The following GMPS variants were observed in gnomAD, a reference collection of about 807,000 sequenced individuals.
GMPS encodes the protein GMP synthase [glutamine-hydrolyzing].
A neutral mutation model predicts 77.9 loss-of-function variants in GMPS; 15 were observed. The ratio of observed to expected loss-of-function variants is 0.19; its 90% confidence interval spans 0.13 to 0.30. The LOEUF (loss-of-function observed/expected upper bound fraction) is 0.30. Among genes scored for constraint, GMPS ranks in the 10% least tolerant of loss-of-function variants. The pLI, the probability that GMPS is intolerant of heterozygous loss-of-function variation, is 1.00. For synonymous variants in GMPS, 224 were observed against 275.9 expected, an observed-to-expected ratio of 0.81 and a Z score of 1.86; for missense variants, 590 against 838.8, an observed-to-expected ratio of 0.70 and a Z score of 3.66.
Position 155,941,804 on chromosome 3 carries a change from T to C in GMPS, c.*4112T>C. On this transcript the variant is annotated 3_prime_UTR_variant, in exon 16 of 16. Coordinates refer to ENST00000496455, the MANE Select transcript of GMPS (RefSeq NM_003875.3). ...TATCTTTTTAATCACTGAAGGACTTTGACAGCAGTAATGGTGGCATTGTTG... is the reference window on the plus strand; with the variant it reads ...TATCTTTTTAATCACTGAAGGACTTCGACAGCAGTAATGGTGGCATTGTTG... 4.6e-6 allele frequency: 1 copy of C among 217,470 alleles called. No individual in the cohort carries two copies. The highest frequency in any genetic ancestry group is 9.2e-6 in the Non-Finnish European group (1 of 108,220). 13.5% of individuals were successfully genotyped at this position (217,470 alleles called of 1,614,324 possible). A position where few individuals can be genotyped will look rare whatever the true frequency, so the allele number is the denominator to read the frequency against.
At chr3:155,869,693 C>T (rs1156341309), upstream of GMPS, among the ~76,000 whole-genome samples, 10 of 152,160 alleles carry the variant, frequency 6.6e-5, no homozygotes, top group Non-Finnish European at 1.5e-5. Flanking sequence ...ACTACTTTCA[C>T]GGGATTGGTT....
At chr3:155,904,157 AAG>A (rs1432682968) in intron 4 of GMPS, among the ~76,000 whole-genome samples, 197 bp downstream of exon 4, 7 of 152,206 alleles carry the variant, frequency 4.6e-5, no homozygotes, top group African/African-American at 1.7e-4. Flanking sequence ...AATAGGGAAT[AAG>A]GAAGGTATTT....
rs1291942676 is a variant in GMPS, at chr3:155,916,173, T to G, written c.1193T>G (p.Ile398Ser). The G allele has an allele frequency of 6.2e-6, 10 of 1,609,156 alleles. No individual in the cohort carries two copies. Among genetic ancestry groups the G allele is most frequent in the Non-Finnish European group, 6.8e-6 (8 of 1,178,296 alleles). The change falls in exon 9 of 16, where the codon ATC (isoleucine) becomes AGC (serine). Residue 398 changes from isoleucine (I) to serine (S), a missense_variant. Physicochemically the swap from Ile to Ser is moderately radical, Grantham distance 142. Around this residue, in one of 6 missense-constraint regions of GMPS, gnomAD observed 64 missense variants for 114.5 expected, o/e 0.56. Coordinates refer to ENST00000496455, the MANE Select transcript of GMPS (RefSeq NM_003875.3). ...ACCCATCACAATGACACAGAGCTCA[T>G]CAGAAAGTTGAGAGAGGAGGTAAAA... ...IKTHHNDTEL[I>S]RKLREEGKVI... is the part of the protein sequence containing the mutation.
rs183547231 is a variant in GMPS, at chr3:155,919,027, T to C, written c.1213-206T>C. The stretch of plus-strand genomic sequence containing the variant: ...ATTTAAAAAGCTTATGTTTAAAATG[T>C]GCTTCAAAGAGAAATAATACCCATA... On this transcript the variant is annotated intron_variant, in intron 9 of 15. Coordinates refer to ENST00000496455, the MANE Select transcript of GMPS (RefSeq NM_003875.3). Among the ~76,000 whole-genome samples the C allele has an allele frequency of 4.5e-3, 684 of 152,332 alleles. 3 individuals carry two copies. The highest frequency in any genetic ancestry group is 6.6e-3 in the Non-Finnish European group (450 of 68,028).
intron 12 of GMPS, 62 bp downstream of exon 12, chr3:155,925,428 G>T: frequency 9.8e-6 from 13 of 1,331,882 alleles, no homozygotes; most frequent in Non-Finnish European, 1.3e-5. Context: ...TTCTTGAGAC[G>T]GAGTCTCACT....
At position 155,870,822 on chromosome 3, in the gene GMPS, C is replaced by A. The variant is rs898571123; in HGVS notation, c.-49C>A. The A allele has an allele frequency of 1.5e-6, 2 of 1,299,710 alleles. No homozygotes were observed. The highest frequency in any genetic ancestry group is 2.1e-6 in the Non-Finnish European group (2 of 945,752). The allele number at this position is 1,299,710 out of a possible 1,614,324, so 80.5% of individuals were successfully genotyped here. A position where few individuals can be genotyped will look rare whatever the true frequency, so the allele number is the denominator to read the frequency against. ...GCCGACCCTTCCGGCACCCTCCCGC[C>A]CCGTCTCGTACTGTCGCCGTCACCG... is the stretch of plus-strand genomic sequence containing the variant. On this transcript the variant is annotated 5_prime_UTR_variant, in exon 1 of 16. Transcript: ENST00000496455.
At chr3:155,888,105 T>G (rs1292937578) in intron 1 of GMPS, among the ~76,000 whole-genome samples, 3 of 151,972 alleles carry the variant, frequency 2.0e-5, no homozygotes, top group Non-Finnish European at 4.4e-5. Context: ...AGAGATAGGG[T>G]CTTGCTGCAT....
Position 155,942,736 on chromosome 3 carries a change from G to A in GMPS, c.*5044G>A, listed in dbSNP as rs377210011. On this transcript the variant is annotated 3_prime_UTR_variant, in exon 16 of 16. Transcript: ENST00000496455. ...CTTACTTCTTTACTTTTCCTTCAGA[G>A]AGGAGAAAGCCACCCCTGTGCTATA... 1.6e-4 allele frequency: 36 copies of A among 226,672 alleles called. 1 individual carries two copies. Among genetic ancestry groups the A allele is most frequent in the East Asian group, 8.3e-4 (13 of 15,700 alleles). The allele number at this position is 226,672 out of a possible 1,614,324, so 14.0% of individuals were successfully genotyped here.
At chr3:155,904,210 T>C (rs1188133705) in intron 4 of GMPS, among the ~76,000 whole-genome samples, 1 of 152,186 alleles carries the variant, frequency 6.6e-6, no homozygotes, top group East Asian at 1.9e-4. Flanking sequence ...GAACCCTACT[T>C]GGAATCGTAT....
chr3:155,874,337 A>C (rs551691777), intron 1 of GMPS, among the ~76,000 whole-genome samples: 1 of 152,320 alleles, frequency 6.6e-6, no homozygotes, highest in African/African-American at 2.4e-5. Flanking sequence ...AAGATGTTTT[A>C]TAAACTCTCC....
chr3:155,935,331 C>T (rs548357722), intron 14 of GMPS, among the ~76,000 whole-genome samples: 2 of 152,126 alleles, frequency 1.3e-5, no homozygotes, highest in South Asian at 2.1e-4. Context: ...TACAGGCACC[C>T]GCCACCACAC....
At chr3:155,920,574 TA>T (rs145651357) in intron 10 of GMPS, among the ~76,000 whole-genome samples, 6,524 of 109,620 alleles carry the variant, frequency 0.06, 197 homozygotes, top group East Asian at 0.19. Context: ...GACTCCATCT[TA>T]AAAAAAAAAA....
chr3:155,935,464 G>A (rs548481555), intron 14 of GMPS, among the ~76,000 whole-genome samples: 2 of 152,320 alleles, frequency 1.3e-5, no homozygotes, highest in Non-Finnish European at 2.9e-5. Flanking sequence ...GCCTCCCAGA[G>A]TGTTGGGATT....
intron 12 of GMPS, 88 bp downstream of exon 12, chr3:155,925,454 G>A (rs777708866): frequency 4.7e-6 from 5 of 1,059,462 alleles, no homozygotes; most frequent in Non-Finnish European, 6.7e-6. Flanking sequence ...GCCCAGGCTG[G>A]AGCGCAGTGG....
chr3:155,914,622 AG>A (rs1755127243), intron 8 of GMPS, 52 bp downstream of exon 8: 2 of 1,207,626 alleles, frequency 1.7e-6, no homozygotes, highest in African/African-American at 3.1e-5. Context: ...TGTGAATCTT[AG>A]TATTTGTTTT....
intron 7 of GMPS, among the ~76,000 whole-genome samples, chr3:155,914,164 T>G (rs778718154): frequency 6.6e-6 from 1 of 151,954 alleles, no homozygotes; most frequent in Non-Finnish European, 1.5e-5. Flanking sequence ...GCCAGGATGG[T>G]CTTGATCTCC....
Position 155,893,612 on chromosome 3 carries a change from T to C in GMPS, c.122T>C (p.Ile41Thr), listed in dbSNP as rs1220931600. The C allele has an allele frequency of 3.1e-6, 5 of 1,612,316 alleles. No individual in the cohort carries two copies. Among genetic ancestry groups the C allele is most frequent in the African/African-American group, 2.7e-5 (2 of 74,918 alleles). Residue 41 changes from isoleucine to threonine, a missense_variant, in exon 2 of 16, where the codon ATA (isoleucine) becomes ACA (threonine). Physicochemically the swap from Ile to Thr is moderately conservative, Grantham distance 89. Around this residue, in one of 6 missense-constraint regions of GMPS, gnomAD observed 136 missense variants for 225.6 expected, o/e 0.60. Transcript: ENST00000496455. ...LDAGAQYGKV[I>T]DRRVRELFVQ... ...GCTGGTGCTCAGTACGGGAAAGTCA[T>C]AGACCGAAGAGTGAGGGAACTGTTC... is the stretch of plus-strand genomic sequence containing the variant.
chr3:155,883,186 C>T (rs1351065963), intron 1 of GMPS, among the ~76,000 whole-genome samples: 1 of 152,128 alleles, frequency 6.6e-6, no homozygotes, highest in Non-Finnish European at 1.5e-5. Flanking sequence ...ATTCTCATGC[C>T]TCAGGCTCCC....
chr3:155,915,982 A>G (rs371926478), intron 8 of GMPS, 37 bp from the exon 9 acceptor site: 2 of 1,480,422 alleles, frequency 1.4e-6, no homozygotes, highest in Non-Finnish European at 1.8e-6. Flanking sequence ...AAAAAAAGTT[A>G]TCTCTTACAA....
Sources: allele counts gnomAD v4.1 joint callset (sites outside exome capture counted in the v4.1 genomes callset), GRCh38; gene constraint gnomAD v4.1.1; regional missense constraint gnomAD v4.1.1; transcripts MANE v1.5; gene names NCBI Gene and HGNC (gene_info 2026-07-23, HGNC 2026-07-21).